The following ANAPC1 variants were observed in gnomAD, a reference collection of about 807,000 sequenced individuals.
ANAPC1 encodes the protein anaphase-promoting complex subunit 1.
ANAPC1 carries 36 observed loss-of-function variants against 208.0 expected under a neutral mutation model. That is an observed-to-expected ratio of 0.17 (90% CI 0.13 to 0.23). ANAPC1 has a LOEUF of 0.23. Among genes scored for constraint, ANAPC1 ranks in the 10% least tolerant of loss-of-function variants. The pLI, the probability that ANAPC1 is intolerant of heterozygous loss-of-function variation, is 1.00. For missense variants in ANAPC1, 942 were observed against 2,011.6 expected, an observed-to-expected ratio of 0.47 and a Z score of 10.17; for synonymous variants, 378 against 695.2, an observed-to-expected ratio of 0.54 and a Z score of 7.18.
chr2:111,816,769 T>C (rs1679260749), intron 27 of ANAPC1, among the ~76,000 whole-genome samples: 1 of 138,922 alleles, frequency 7.2e-6, no homozygotes, highest in Non-Finnish European at 1.6e-5. Context: ...AAATTTTAAG[T>C]AGATGCAGTG....
chr2:111,775,255 ACT>A (rs1168965487), intron 46 of ANAPC1, among the ~76,000 whole-genome samples: 12 of 152,224 alleles, frequency 7.9e-5, no homozygotes, highest in Middle Eastern at 3.4e-3. Flanking sequence ...ACAGAGCGAG[ACT>A]CTGTCTCAAA....
intron 10 of ANAPC1, among the ~76,000 whole-genome samples, chr2:111,858,963 G>A (rs1203468810): frequency 6.6e-6 from 1 of 152,066 alleles, no homozygotes; most frequent in Non-Finnish European, 1.5e-5. Context: ...AACAATTACT[G>A]ATGAACTTTT....
At chr2:111,878,721 G>C (rs967539294) in intron 3 of ANAPC1, 89 bp downstream of exon 3, 1 of 1,564,482 alleles carries the variant, frequency 6.4e-7, no homozygotes, top group East Asian at 2.3e-5. Flanking sequence ...CATTAGGCTG[G>C]TTTTATCATT....
chr2:111,780,850 G>A (rs1201325263), intron 43 of ANAPC1: 2 of 161,516 alleles, frequency 1.2e-5, no homozygotes, highest in African/African-American at 2.5e-5. Flanking sequence ...ACTAGGGGAA[G>A]TAGAATGAGG....
intron 47 of ANAPC1, among the ~76,000 whole-genome samples, chr2:111,771,639 A>C (rs942279891): frequency 6.6e-6 from 1 of 151,378 alleles, no homozygotes; most frequent in African/African-American, 2.4e-5. Context: ...AGTCCAATAC[A>C]AGCAATTCCA....
chr2:111,781,631 T>A (rs1350203317), intron 43 of ANAPC1, among the ~76,000 whole-genome samples: 1 of 152,266 alleles, frequency 6.6e-6, no homozygotes, highest in Non-Finnish European at 1.5e-5. Context: ...TTCCTTAGGG[T>A]CCTAACTACT....
rs1157496225 is a variant in ANAPC1, at chr2:111,831,205, A to G, written c.2625+81T>C. The G allele has an allele frequency of 1.1e-5, 17 of 1,486,686 alleles. 1 individual carries two copies. The East Asian group carries it at 4.0e-4, about 35-fold the overall frequency. 92.1% of individuals were successfully genotyped at this position (1,486,686 alleles called of 1,614,324 possible). ...GAAATTCACAGAACTATACACAGAAAAAAACTTAATATCAGGTGTACTTTT... is the reference window on the plus strand; with the variant it reads ...GAAATTCACAGAACTATACACAGAAGAAAACTTAATATCAGGTGTACTTTT... On this transcript the variant is annotated intron_variant, in intron 21 of 47. Coordinates refer to ENST00000341068, the MANE Select transcript of ANAPC1 (RefSeq NM_022662.4).
chr2:111,813,337 C>T (rs1267120504), intron 28 of ANAPC1, among the ~76,000 whole-genome samples: 1 of 151,026 alleles, frequency 6.6e-6, no homozygotes, highest in Non-Finnish European at 1.5e-5. Context: ...CCTGAAAGCC[C>T]GACTCCTCTG....
chr2:111,843,317 G>C, intron 17 of ANAPC1, 95 bp downstream of exon 17: 1 of 1,166,844 alleles, frequency 8.6e-7, no homozygotes, highest in Non-Finnish European at 1.3e-6. Context: ...TTTGAATATG[G>C]TACGCCTATT....
intron 41 of ANAPC1, 107 bp from the exon 42 acceptor site, chr2:111,784,071 C>A: frequency 3.2e-6 from 3 of 925,910 alleles, no homozygotes; most frequent in Non-Finnish European, 5.1e-6. Flanking sequence ...CAGAAACAGG[C>A]ATCTGGAAGT....
At chr2:111,830,179 C>T (rs1407164280) in intron 21 of ANAPC1, among the ~76,000 whole-genome samples, 2 of 152,074 alleles carry the variant, frequency 1.3e-5, no homozygotes, top group Non-Finnish European at 2.9e-5. Flanking sequence ...GTAATTACAG[C>T]GTAGACAGCC....
At position 111,810,882 on chromosome 2, in the gene ANAPC1, CAAAAA is replaced by C. The variant is rs1162540899; in HGVS notation, c.3598-1706_3598-1702del. The stretch of plus-strand genomic sequence containing the variant: ...TAGGTGACAGGGTGAGACTCCACAT[CAAAAA>C]AAAAAAAAAAAAAAAAAAGAACAGT... On this transcript the variant is annotated intron_variant, in intron 28 of 47. Coordinates refer to ENST00000341068, the MANE Select transcript of ANAPC1 (RefSeq NM_022662.4). Among the ~76,000 whole-genome samples, 87 of 71,784 alleles carry C rather than the reference CAAAAA, an allele frequency of 1.2e-3. 2 individuals are homozygous for C. The highest frequency in any genetic ancestry group is 4.4e-3 in the South Asian group (9 of 2,056). 47.1% of individuals were successfully genotyped at this position (71,784 alleles called of 152,430 possible).
intron 16 of ANAPC1, among the ~76,000 whole-genome samples, chr2:111,845,656 G>A (rs115706586): frequency 4.6e-5 from 7 of 151,922 alleles, no homozygotes; most frequent in East Asian, 1.9e-4. Context: ...ATAATAGTTC[G>A]AGGTACCTGG....
intron 7 of ANAPC1, among the ~76,000 whole-genome samples, chr2:111,865,520 A>G (rs965917039): frequency 6.6e-6 from 1 of 152,220 alleles, no homozygotes; most frequent in African/African-American, 2.4e-5. Context: ...CAGTTAAAAT[A>G]CTGAAAAATT....
At chr2:111,854,685 C>A (rs1253177758) in intron 13 of ANAPC1, among the ~76,000 whole-genome samples, 3 of 152,220 alleles carry the variant, frequency 2.0e-5, no homozygotes, top group Non-Finnish European at 4.4e-5. Context: ...CCTCAAGAAT[C>A]AACCTCTGTT....
At position 111,877,159 on chromosome 2, in the gene ANAPC1, C is replaced by T. The variant is rs1683064285; in HGVS notation, c.375+1651G>A. Among the ~76,000 whole-genome samples the T allele has an allele frequency of 2.0e-5, 3 of 149,514 alleles. No homozygotes were observed. The South Asian group carries it at 6.5e-4, about 33-fold the overall frequency. ...TTCTCCTATAAAACCATAAAATCAT[C>T]GTCCCTGAGAAAAAAATAATACTTC... is the stretch of plus-strand genomic sequence containing the variant. On this transcript the variant is annotated intron_variant, in intron 3 of 47. Transcript: ENST00000341068.
rs528458711 is a variant in ANAPC1 at position 111,873,154 on chromosome 2, G to A, written c.528+154C>T. 2.9e-4 allele frequency: 213 copies of A among 746,392 alleles called. 2 individuals are homozygous for A. In the African/African-American group the frequency reaches 3.6e-3, roughly 12 times the overall value. 46.2% of individuals were successfully genotyped at this position (746,392 alleles called of 1,614,324 possible). ...TTTTCTTGTGAAGTACAGAAAAATG[G>A]TAAGCCACTAAAGCTGCCAAAATTT... On this transcript the variant is annotated intron_variant, in intron 5 of 47. Coordinates refer to ENST00000341068, the MANE Select transcript of ANAPC1 (RefSeq NM_022662.4).
intron 38 of ANAPC1, among the ~76,000 whole-genome samples, chr2:111,789,409 A>G (rs866737604): frequency 4.1e-3 from 586 of 143,672 alleles, no homozygotes; most frequent in African/African-American, 0.013. Context: ...AACCACTTCT[A>G]AAACTATTGA....
rs767471509 is a variant in ANAPC1, at chr2:111,863,838, T to C, written c.889A>G (p.Thr297Ala). The change falls in exon 9 of 48, where the codon ACT becomes GCT. Residue 297 changes from threonine (T) to alanine (A), a missense_variant. Coordinates refer to ENST00000341068, the MANE Select transcript of ANAPC1 (RefSeq NM_022662.4). ...AGATGTGCTGTGAGGGAGCTGCTAGTGGCCACATTCTGTGGGGTTCCCCCC... is the reference window on the plus strand; with the variant it reads ...AGATGTGCTGTGAGGGAGCTGCTAGCGGCCACATTCTGTGGGGTTCCCCCC... ...EQGGTPQNVA[T>A]SSSLTAHLRS... 5.6e-6 allele frequency: 9 copies of C among 1,613,584 alleles called. No individual in the cohort carries two copies. The highest frequency in any genetic ancestry group is 1.7e-5 in the Admixed American group (1 of 59,942).
Sources: allele counts gnomAD v4.1 joint callset (sites outside exome capture counted in the v4.1 genomes callset), GRCh38; gene constraint gnomAD v4.1.1; transcripts MANE v1.5; gene names NCBI Gene and HGNC (gene_info 2026-07-23, HGNC 2026-07-21).